CYP4V2: variants seen among roughly 807,000 people sequenced by gnomAD.
CYP4V2 encodes cytochrome P450 family 4 subfamily V member 2, also known as cytochrome P450 4V2.
A neutral mutation model predicts 60.8 loss-of-function variants in CYP4V2; 55 were observed. The observed-to-expected ratio is 0.90, with a 90% CI of 0.73 to 1.13. The LOEUF (loss-of-function observed/expected upper bound fraction) is 1.13. Among genes scored for constraint, CYP4V2 ranks in the 50% most tolerant of loss-of-function variants. CYP4V2 has a pLI of 0.00. For missense variants in CYP4V2, 675 were observed against 662.9 expected (o/e 1.02, Z -0.20); for synonymous variants, 239 against 236.8 (o/e 1.01, Z -0.08).
In CYP4V2 at chr4:186,210,471, C is replaced by T; in HGVS notation, c.1408C>T (p.Gln470Ter). The part of the protein sequence containing the change: ...FSAGPRNCIG[Q>*]KFAVMEEKTI... The stretch of plus-strand genomic sequence containing the variant: ...ATGGTATCTACATTAATTTGAAGGT[C>T]AAAAGTTTGCTGTGATGGAAGAAAA... Residue 470 changes from glutamine to a stop codon, truncating the protein, a stop_gained and splice_region_variant, in exon 11 of 11, where the codon CAA becomes TAA. Coordinates refer to ENST00000378802, the MANE Select transcript of CYP4V2 (RefSeq NM_207352.4). LOFTEE classifies it high-confidence loss of function. 1 of 1,614,066 alleles carries T rather than the reference C, an allele frequency of 6.2e-7. No individual in the cohort carries two copies. Among genetic ancestry groups the T allele is most frequent in the Non-Finnish European group, 8.5e-7 (1 of 1,180,018 alleles).
chr4:186,196,161 T>A, intron 3 of CYP4V2, 73 bp downstream of exon 3: 2 of 1,287,688 alleles, frequency 1.6e-6, no homozygotes, highest in Non-Finnish European at 2.3e-6. Flanking sequence ...ATTTCAAGAA[T>A]TAACACAGGG....
chr4:186,208,984 G>A lies in CYP4V2; in HGVS notation c.1210G>A (p.Glu404Lys), dbSNP rs4561961. Residue 404 changes from glutamate to lysine, a missense_variant, in exon 9 of 11, where the codon GAA becomes AAA. Coordinates refer to ENST00000378802, the MANE Select transcript of CYP4V2 (RefSeq NM_207352.4). ...TCCTTTATTTGCCCGTAGTGTTAGT[G>A]AAGATTGTGAAGTGGGTAAGTATGC... ...SVPLFARSVS[E>K]DCEVAGYRVL... 126 of 1,614,072 alleles carry A rather than the reference G, an allele frequency of 7.8e-5. No homozygotes were observed. Among genetic ancestry groups the A allele is most frequent in the Non-Finnish European group, 9.6e-5 (113 of 1,180,046 alleles).
Position 186,201,342 on chromosome 4 carries a change from G to A in CYP4V2, c.987G>A (p.Glu329=). ...AAGAAGTTGACACCTTCATGTTTGA[G>A]GTATTGTATATTGTTAGGTTCAGAT... The part of the protein sequence containing the change: ...IREEVDTFMF[E]GHDTTAAAIN... The change falls in exon 7 of 11, where the codon GAG becomes GAA. Residue 329 remains glutamate (E), a splice_region_variant and synonymous_variant. Transcript: ENST00000378802. 1.2e-6 allele frequency: 2 copies of A among 1,613,806 alleles called. No individual in the cohort carries two copies. Among genetic ancestry groups the A allele is most frequent in the East Asian group, 2.2e-5 (1 of 44,862 alleles).
Position 186,212,513 on chromosome 4 carries a change from C to A in CYP4V2, c.*1872C>A, listed in dbSNP as rs995339280. 7 of 152,162 alleles carry A rather than the reference C, an allele frequency of 4.6e-5. No individual in the cohort carries two copies. Among genetic ancestry groups the A allele is most frequent in the African/African-American group, 1.7e-4 (7 of 41,432 alleles). The allele number at this position is 152,162 out of a possible 1,614,324, so 9.4% of individuals were successfully genotyped here. A position where few individuals can be genotyped will look rare whatever the true frequency, so the allele number is the denominator to read the frequency against. ...GTTTAAACAAGATTGGTTTTGTTTT[C>A]AATTTTTATTCACTCTTCATAGAAT... On this transcript the variant is annotated 3_prime_UTR_variant, in exon 11 of 11. Transcript: ENST00000378802.
At chr4:186,199,571 G>A (rs1283360900) in intron 6 of CYP4V2, among the ~76,000 whole-genome samples, 1 of 152,168 alleles carries the variant, frequency 6.6e-6, no homozygotes, top group Non-Finnish European at 1.5e-5. Context: ...ACAGGGTGCT[G>A]TGTAAAAGAA....
At position 186,192,304 on chromosome 4, in the gene CYP4V2, G is replaced by C. The variant is rs769677671; in HGVS notation, c.214+267G>C. ...GCCCTCGGTCTTTTCCCACCTCACC[G>C]CTGCTCAGCTCTCAAAGCCCTGCCG... On this transcript the variant is annotated intron_variant, in intron 1 of 10. Transcript: ENST00000378802. 133 of 678,868 alleles carry C rather than the reference G, an allele frequency of 2.0e-4. No homozygotes were observed. The Middle Eastern group carries it at 4.4e-3, about 23-fold the overall frequency. The allele number at this position is 678,868 out of a possible 1,614,324, so 42.1% of individuals were successfully genotyped here. A position where few individuals can be genotyped will look rare whatever the true frequency, so the allele number is the denominator to read the frequency against.
intron 6 of CYP4V2, 75 bp downstream of exon 6, chr4:186,199,158 A>G (rs1736236165): frequency 4.0e-6 from 6 of 1,487,290 alleles, no homozygotes; most frequent in Non-Finnish European, 5.6e-6. Flanking sequence ...TTTTAACTGT[A>G]CAGTTTGGTG....
intron 1 of CYP4V2, 68 bp downstream of exon 1, chr4:186,192,105 A>G (rs946291316): frequency 4.0e-6 from 6 of 1,517,868 alleles, no homozygotes; most frequent in Admixed American, 2.0e-5. Flanking sequence ...CCGATCAGCC[A>G]GGAACCCGCT....
intron 8 of CYP4V2, among the ~76,000 whole-genome samples, chr4:186,206,729 T>C (rs1013614372): frequency 6.6e-6 from 1 of 152,208 alleles, no homozygotes; most frequent in Non-Finnish European, 1.5e-5. Context: ...GAGATGAGGA[T>C]GGAAAAGCAG....
chr4:186,194,076 A>G (rs1009242849), intron 1 of CYP4V2, among the ~76,000 whole-genome samples: 1 of 152,174 alleles, frequency 6.6e-6, no homozygotes, highest in African/African-American at 2.4e-5. Context: ...AGCTCCCTTC[A>G]TAGCAATTTT....
At chr4:186,210,332 G>A in intron 10 of CYP4V2, 137 bp from the exon 11 acceptor site, 1 of 1,018,684 alleles carries the variant, frequency 9.8e-7, no homozygotes, top group South Asian at 1.4e-5. Context: ...TCTTTAACAG[G>A]TGTTCCAAGC....
At chr4:186,200,450 T>G (rs1736274040) in intron 6 of CYP4V2, among the ~76,000 whole-genome samples, 2 of 152,210 alleles carry the variant, frequency 1.3e-5, no homozygotes, top group Non-Finnish European at 2.9e-5. Flanking sequence ...TGGCAGTGTT[T>G]GAGTTGTAAG....
At chr4:186,207,162 A>G (rs1464565395) in intron 8 of CYP4V2, among the ~76,000 whole-genome samples, 2 of 151,898 alleles carry the variant, frequency 1.3e-5, no homozygotes, top group Non-Finnish European at 2.9e-5. Flanking sequence ...TAATCCCAGC[A>G]CTTTGGGAGG....
At chr4:186,201,402 T>G in intron 7 of CYP4V2, 60 bp downstream of exon 7, 1 of 1,561,098 alleles carries the variant, frequency 6.4e-7, no homozygotes, top group Non-Finnish European at 8.8e-7. Flanking sequence ...GTTAGAATCT[T>G]TAGCATTATT....
rs1332975822 is a variant in CYP4V2 at position 186,213,388 on chromosome 4, T to G, written c.*2747T>G. On this transcript the variant is annotated 3_prime_UTR_variant, in exon 11 of 11. Coordinates refer to ENST00000378802, the MANE Select transcript of CYP4V2 (RefSeq NM_207352.4). ...TAAGAATTGATATCAATTCAAAACA[T>G]AGAAAACTGTAAAAGATAAATCAGG... 2 of 152,182 alleles carry G rather than the reference T, an allele frequency of 1.3e-5. No individual in the cohort carries two copies. Among genetic ancestry groups the G allele is most frequent in the East Asian group, 3.8e-4 (2 of 5,202 alleles). 9.4% of individuals were successfully genotyped at this position (152,182 alleles called of 1,614,324 possible).
intron 6 of CYP4V2, among the ~76,000 whole-genome samples, chr4:186,199,679 A>G (rs1015848801): frequency 1.3e-5 from 2 of 152,244 alleles, no homozygotes; most frequent in Non-Finnish European, 2.9e-5. Flanking sequence ...GTATCTTAAC[A>G]TGGAAAACAT....
chr4:186,204,067 T>TA (rs1340719775), intron 7 of CYP4V2: 1 of 152,234 alleles, frequency 6.6e-6, no homozygotes, highest in East Asian at 1.9e-4. Context: ...TCACCACTTT[T>TA]GCATATGGAA....
chr4:186,194,451 C>A, intron 1 of CYP4V2, 49 bp from the exon 2 acceptor site: 1 of 1,496,970 alleles, frequency 6.7e-7, no homozygotes, highest in South Asian at 1.1e-5. Context: ...CAATACTGGT[C>A]ACAACTTTCT....
At chr4:186,201,698 C>T (rs2126590102) in intron 7 of CYP4V2, 1 of 259,608 alleles carries the variant, frequency 3.9e-6, no homozygotes, top group East Asian at 1.1e-4. Context: ...ACTTCCTCAC[C>T]ACCTGCTTTC....
Sources: gnomAD v4.1 joint callset for allele counts (sites outside exome capture counted in the v4.1 genomes callset) on GRCh38, gnomAD v4.1.1 for gene constraint, MANE v1.5 for transcripts, NCBI Gene and HGNC (gene_info 2026-07-23, HGNC 2026-07-21) for gene names.